Variants in BRDT observed in about 807,000 individuals in gnomAD.
The protein encoded by BRDT is bromodomain testis associated, also known as bromodomain testis-specific protein.
BRDT carries 77 observed loss-of-function variants against 113.9 expected under a neutral mutation model. The ratio of observed to expected loss-of-function variants is 0.68; its 90% CI spans 0.56 to 0.82. BRDT has a LOEUF of 0.82. BRDT is among the 40% of genes least tolerant of loss of function. BRDT has a pLI of 0.00. For synonymous variants in BRDT, 358 were observed against 366.5 expected (o/e 0.98, Z 0.26); for missense variants, 1,027 against 1,105.4 (o/e 0.93, Z 1.01).
chr1:92,002,249 G>A, intron 16 of BRDT, 100 bp downstream of exon 16: 4 of 806,510 alleles, frequency 5.0e-6, no homozygotes, highest in Admixed American at 3.0e-5. Context: ...TAAATGAAAT[G>A]TTGGATCTCT....
chr1:91,956,482 C>G (rs1371718240), intron 1 of BRDT, among the ~76,000 whole-genome samples: 1 of 152,172 alleles, frequency 6.6e-6, no homozygotes, highest in African/African-American at 2.4e-5. Context: ...TTGTCTCATA[C>G]AGTAGCTCCT....
intron 1 of BRDT, among the ~76,000 whole-genome samples, chr1:91,959,041 T>C (rs1682113107): frequency 6.6e-6 from 1 of 150,906 alleles, no homozygotes; most frequent in Non-Finnish European, 1.5e-5. Flanking sequence ...AGTAAGACCC[T>C]GACTCAAAAA....
At chr1:92,002,772 T>A (rs976906511) in intron 16 of BRDT, among the ~76,000 whole-genome samples, 3 of 152,200 alleles carry the variant, frequency 2.0e-5, no homozygotes, top group Admixed American at 6.5e-5. Flanking sequence ...TCTAGGGATA[T>A]CTAAGAAATC....
intron 12 of BRDT, among the ~76,000 whole-genome samples, chr1:91,989,684 G>C (rs1250770394): frequency 6.6e-6 from 1 of 152,080 alleles, no homozygotes; most frequent in Non-Finnish European, 1.5e-5. Flanking sequence ...AAATGCGAAA[G>C]CTACCTGGAT....
intron 4 of BRDT, among the ~76,000 whole-genome samples, chr1:91,971,023 G>C (rs2101621742): frequency 6.6e-6 from 1 of 152,014 alleles, no homozygotes; most frequent in African/African-American, 2.4e-5. Flanking sequence ...TATGGCACCA[G>C]CATCTGCTTA....
Position 91,962,926 on chromosome 1 carries a change from G to A in BRDT, c.172G>A (p.Ala58Thr). The A allele has an allele frequency of 6.3e-7, 1 of 1,598,450 alleles. No homozygotes were observed. The highest frequency in any genetic ancestry group is 8.5e-7 in the Non-Finnish European group (1 of 1,174,708). Residue 58 changes from alanine to threonine, a missense_variant, in exon 2 of 19, where the codon GCT becomes ACT. Physicochemically the swap from Ala to Thr is moderately conservative, Grantham distance 58 (BLOSUM62 0). Transcript: ENST00000399546. ...FSWPFQRPVD[A>T]VKLQLPDYYT... ...ATGGCCCTTTCAACGTCCTGTGGAT[G>A]CTGTGAAACTACAGTTGCCTGTATG... is the stretch of plus-strand genomic sequence containing the variant.
intron 4 of BRDT, among the ~76,000 whole-genome samples, chr1:91,973,046 CAT>C (rs1326630807): frequency 3.3e-5 from 5 of 152,074 alleles, no homozygotes; most frequent in African/African-American, 1.2e-4. Flanking sequence ...GAGAAGGTGA[CAT>C]ATGAGTAAAT....
intron 15 of BRDT, among the ~76,000 whole-genome samples, chr1:92,001,363 T>C (rs1268412504): frequency 2.0e-5 from 3 of 152,244 alleles, no homozygotes; most frequent in African/African-American, 7.2e-5. Context: ...AGTTATGCTA[T>C]GGTTTTGAAT....
intron 10 of BRDT, 35 bp downstream of exon 10, chr1:91,981,213 G>C: frequency 6.2e-7 from 1 of 1,607,890 alleles, no homozygotes; most frequent in Non-Finnish European, 8.5e-7. Flanking sequence ...AAATCGGTTT[G>C]GTATTTATGT....
intron 18 of BRDT, among the ~76,000 whole-genome samples, chr1:92,009,151 T>C (rs188524997): frequency 7.2e-5 from 11 of 152,302 alleles, no homozygotes; most frequent in Admixed American, 5.9e-4. Flanking sequence ...TAAACTACCA[T>C]TTCATTCTCT....
At chr1:91,976,235 A>G (rs776079385) in intron 4 of BRDT, 31 bp from the exon 5 acceptor site, 149 of 1,541,388 alleles carry the variant, frequency 9.7e-5, no homozygotes, top group Non-Finnish European at 1.3e-4. Context: ...TTATTCATTC[A>G]TATATTTGAT....
chr1:91,987,094 A>G (rs1685320751), intron 12 of BRDT, among the ~76,000 whole-genome samples: 2 of 151,746 alleles, frequency 1.3e-5, no homozygotes, highest in Admixed American at 1.3e-4. Flanking sequence ...TAATTTTTGT[A>G]TTTTTAGTAG....
intron 12 of BRDT, among the ~76,000 whole-genome samples, chr1:91,987,969 C>A (rs553329508): frequency 1.3e-5 from 2 of 152,116 alleles, no homozygotes; most frequent in Non-Finnish European, 2.9e-5. Context: ...TCTGCCTCAG[C>A]CTCCTAAGTA....
chr1:92,005,593 A>G (rs928846644), intron 18 of BRDT, among the ~76,000 whole-genome samples: 5 of 152,178 alleles, frequency 3.3e-5, no homozygotes, highest in African/African-American at 1.2e-4. Context: ...GCAGGGAGCT[A>G]TGATCACACC....
At chr1:91,952,666 C>T (rs1475647673) in intron 1 of BRDT, among the ~76,000 whole-genome samples, 1 of 149,862 alleles carries the variant, frequency 6.7e-6, no homozygotes, top group Non-Finnish European at 1.5e-5. Flanking sequence ...GATAAACCAG[C>T]ACAACGGTTC....
intron 6 of BRDT, among the ~76,000 whole-genome samples, chr1:91,977,683 C>T (rs1684286344): frequency 6.7e-6 from 1 of 148,180 alleles, no homozygotes; most frequent in East Asian, 2.0e-4. Context: ...CCAGCCTGGC[C>T]ATGGCGAAAC....
At chr1:92,013,934 T>C (rs1228370140) in intron 18 of BRDT, among the ~76,000 whole-genome samples, 1 of 152,192 alleles carries the variant, frequency 6.6e-6, no homozygotes, top group Non-Finnish European at 1.5e-5. Flanking sequence ...TCTCTTTTAC[T>C]TGTAGGGAGG....
rs1432389939 is a variant in BRDT at position 91,971,533 on chromosome 1, TA to T, written c.445+3275del. Among the ~76,000 whole-genome samples, 3 of 152,244 alleles carry T rather than the reference TA, an allele frequency of 2.0e-5. No individual in the cohort carries two copies. The East Asian group carries it at 5.8e-4, about 29-fold the overall frequency. On this transcript the variant is annotated intron_variant, in intron 4 of 18. Coordinates refer to ENST00000399546, the MANE Select transcript of BRDT (RefSeq NM_207189.4). ...AATAATGTGGTTACGTACATGTTGATAATTTATGGCAAAGAAAACTTGGTAT... is the reference window on the plus strand; with the variant it reads ...AATAATGTGGTTACGTACATGTTGATATTTATGGCAAAGAAAACTTGGTAT...
chr1:91,994,789 A>C (rs1686125212), intron 15 of BRDT, among the ~76,000 whole-genome samples: 1 of 144,686 alleles, frequency 6.9e-6, no homozygotes, highest in Non-Finnish European at 1.5e-5. Flanking sequence ...AATGGCGTGA[A>C]CCCAGGAGGC....
Sources: allele counts gnomAD v4.1 joint callset (sites outside exome capture counted in the v4.1 genomes callset), GRCh38; gene constraint gnomAD v4.1.1; transcripts MANE v1.5; gene names NCBI Gene and HGNC (gene_info 2026-07-23, HGNC 2026-07-21).